CABP5: variants seen among roughly 807,000 people sequenced by gnomAD.
The protein encoded by CABP5 is calcium binding protein 5, also known as calcium-binding protein 5.
Under a neutral mutation model 21.9 loss-of-function variants are expected in CABP5, and 17 were observed. The observed-to-expected ratio is 0.78, with a 90% CI of 0.53 to 1.17. CABP5 has a LOEUF of 1.17. Among genes scored for constraint, CABP5 ranks in the 50% most tolerant of loss-of-function variants. The pLI is 0.00. For synonymous variants in CABP5, 85 were observed against 79.4 expected (o/e 1.07, Z -0.37); for missense variants, 229 against 228.9 (o/e 1.00, Z 0.00).
intron 4 of CABP5, among the ~76,000 whole-genome samples, chr19:48,035,974 C>T (rs1967403744): frequency 6.6e-6 from 1 of 152,122 alleles, no homozygotes; most frequent in African/African-American, 2.4e-5. Context: ...GAACAGACCA[C>T]AGTAGGACCA....
chr19:48,029,798 CAGAGAGAG>C lies in CABP5; in HGVS notation c.*751_*758del, dbSNP rs72005770. 4.7e-4 allele frequency among the ~76,000 whole-genome samples: 56 copies of C among 120,240 alleles called. No homozygotes were observed. Among genetic ancestry groups the C allele is most frequent in the Admixed American group, 1.6e-3 (18 of 11,272 alleles). The allele number at this position is 120,240 out of a possible 152,430, so 78.9% of individuals were successfully genotyped here. A position where few individuals can be genotyped will look rare whatever the true frequency, so the allele number is the denominator to read the frequency against. Reference sequence around the variant, plus strand: ...GGGAGGGGAGACAGAGACAGACAGACAGAGAGAGAGAGAGAGAGAGAGAGAGAGAGAGA... The same window carrying C: ...GGGAGGGGAGACAGAGACAGACAGACAGAGAGAGAGAGAGAGAGAGAGAGA... On this transcript the variant is annotated 3_prime_UTR_variant, in exon 6 of 6. Transcript: ENST00000293255.
Position 48,040,604 on chromosome 19 carries a change from C to T in CABP5, c.238+1G>A, listed in dbSNP as rs761490135. 1 of 1,613,710 alleles carries T rather than the reference C, an allele frequency of 6.2e-7. No homozygotes were observed. Among genetic ancestry groups the T allele is most frequent in the African/African-American group, 1.3e-5 (1 of 74,902 alleles). ...CCATCCCTCCCATTCCCTGGACTCA[C>T]GGTTCATGCGGATTTGCTGGCCGAG... On this transcript the variant is annotated splice_donor_variant, in intron 3 of 5. Coordinates refer to ENST00000293255, the MANE Select transcript of CABP5 (RefSeq NM_019855.5). LOFTEE classifies it high-confidence loss of function.
Position 48,043,841 on chromosome 19 carries a change from C to G in CABP5, c.63+19G>C, listed in dbSNP as rs745486326. 12 of 1,494,726 alleles carry G rather than the reference C, an allele frequency of 8.0e-6. No individual in the cohort carries two copies. The highest frequency in any genetic ancestry group is 6.7e-5 in the South Asian group (5 of 74,272). 92.6% of individuals were successfully genotyped at this position (1,494,726 alleles called of 1,614,324 possible). A position where few individuals can be genotyped will look rare whatever the true frequency, so the allele number is the denominator to read the frequency against. On this transcript the variant is annotated intron_variant, in intron 1 of 5. Transcript: ENST00000293255. ...CCTTTGCCCCGCCCACCGCCCTTCC[C>G]CCTCACTCCCCACCTCACCCGCTGT... is the stretch of plus-strand genomic sequence containing the variant.
At chr19:48,036,723 G>A (rs1812159253) in intron 4 of CABP5, among the ~76,000 whole-genome samples, 1 of 151,534 alleles carries the variant, frequency 6.6e-6, no homozygotes, top group Admixed American at 6.6e-5. Flanking sequence ...CTCTAAAGAG[G>A]ACAAATGGGC....
At chr19:48,032,971 G>A (rs1967359652) in intron 5 of CABP5, among the ~76,000 whole-genome samples, 2 of 150,638 alleles carry the variant, frequency 1.3e-5, no homozygotes, top group Admixed American at 1.3e-4. Flanking sequence ...GATAGGTGCT[G>A]AGATCTTTGA....
chr19:48,037,164 C>T (rs1294442730), intron 4 of CABP5, among the ~76,000 whole-genome samples: 2 of 149,390 alleles, frequency 1.3e-5, no homozygotes, highest in Non-Finnish European at 3.0e-5. Flanking sequence ...CAGCACTATT[C>T]ACAATAGCCA....
Position 48,044,061 on chromosome 19 carries a change from C to T in CABP5, c.-139G>A, listed in dbSNP as rs1967518573. On this transcript the variant is annotated 5_prime_UTR_variant, in exon 1 of 6. Transcript: ENST00000293255. ...TGCCTCTCTTGGCTTCTCCTTCGGTCCCGGTGTCTTAGAGCTGTGACAGCT... is the reference window on the plus strand; with the variant it reads ...TGCCTCTCTTGGCTTCTCCTTCGGTTCCGGTGTCTTAGAGCTGTGACAGCT... 5.9e-6 allele frequency: 4 copies of T among 675,502 alleles called. No individual in the cohort carries two copies. The highest frequency in any genetic ancestry group is 9.5e-6 in the Non-Finnish European group (4 of 422,904). The allele number at this position is 675,502 out of a possible 1,614,324, so 41.8% of individuals were successfully genotyped here.
chr19:48,036,938 A>G (rs1967414791), intron 4 of CABP5, among the ~76,000 whole-genome samples: 2 of 152,330 alleles, frequency 1.3e-5, no homozygotes, highest in East Asian at 3.9e-4. Flanking sequence ...AAGATGAATA[A>G]TAACAAGTGT....
At chr19:48,036,246 G>A (rs749576350) in intron 4 of CABP5, among the ~76,000 whole-genome samples, 7 of 152,124 alleles carry the variant, frequency 4.6e-5, no homozygotes, top group East Asian at 1.9e-4. Context: ...GGAAGGCACC[G>A]TTCTTGGGAC....
At chr19:48,035,504 G>A (rs1250423295) in intron 4 of CABP5, among the ~76,000 whole-genome samples, 1 of 152,246 alleles carries the variant, frequency 6.6e-6, no homozygotes, top group African/African-American at 2.4e-5. Flanking sequence ...GGCTGAGGCA[G>A]GAGAATCGCT....
chr19:48,040,809 T>C, intron 2 of CABP5, 61 bp from the exon 3 acceptor site: 2 of 1,552,872 alleles, frequency 1.3e-6, no homozygotes, highest in Non-Finnish European at 1.8e-6. Context: ...GAGTGGCATC[T>C]CTTGAAGCTA....
intron 5 of CABP5, 94 bp from the exon 6 acceptor site, chr19:48,030,676 G>A: frequency 8.5e-7 from 1 of 1,171,014 alleles, no homozygotes; most frequent in Middle Eastern, 2.0e-4. Context: ...AGGCACTGCT[G>A]GTGATCCCTG....
At chr19:48,042,580 CTT>C (rs71181635) in intron 1 of CABP5, among the ~76,000 whole-genome samples, 1 of 128,420 alleles carries the variant, frequency 7.8e-6, no homozygotes, top group African/African-American at 2.6e-5. Context: ...TTCTCTCTCT[CTT>C]TTTTTTTTTT....
At chr19:48,033,241 T>C (rs1340136325) in intron 5 of CABP5, among the ~76,000 whole-genome samples, 1 of 152,068 alleles carries the variant, frequency 6.6e-6, no homozygotes, top group African/African-American at 2.4e-5. Context: ...TAACCTCAGG[T>C]GATCCACTCG....
intron 2 of CABP5, 110 bp from the exon 3 acceptor site, chr19:48,040,858 A>T (rs1600127994): frequency 4.7e-6 from 5 of 1,060,552 alleles, no homozygotes; most frequent in East Asian, 4.8e-5. Context: ...AAAGGAGCGT[A>T]CATTAGAAAC....
chr19:48,042,046 A>G (rs1339498586), intron 1 of CABP5, among the ~76,000 whole-genome samples: 1 of 152,052 alleles, frequency 6.6e-6, no homozygotes, highest in Non-Finnish European at 1.5e-5. Flanking sequence ...TTTCCATCTT[A>G]CCCATGAGAA....
At chr19:48,042,395 T>C (rs749340599) in intron 1 of CABP5, among the ~76,000 whole-genome samples, 4 of 152,218 alleles carry the variant, frequency 2.6e-5, no homozygotes, top group Non-Finnish European at 4.4e-5. Flanking sequence ...CTGCCCCACC[T>C]ACTCCTGCAC....
Position 48,038,621 on chromosome 19 carries a change from G to A in CABP5, c.348+587C>T, listed in dbSNP as rs1967440651. 2.0e-5 allele frequency among the ~76,000 whole-genome samples: 3 copies of A among 152,140 alleles called. No individual in the cohort carries two copies. The South Asian group carries it at 6.2e-4, about 32-fold the overall frequency. ...GCAGGTGGATCACTTGAGGTCAGGAGTTCGAGACCAGCCTGGTCAACATGG... is the reference window on the plus strand; with the variant it reads ...GCAGGTGGATCACTTGAGGTCAGGAATTCGAGACCAGCCTGGTCAACATGG... On this transcript the variant is annotated intron_variant, in intron 4 of 5. Coordinates refer to ENST00000293255, the MANE Select transcript of CABP5 (RefSeq NM_019855.5).
rs1967468613 is a variant in CABP5, at chr19:48,040,651, G to T, written c.192C>A (p.Pro64=). ...CGAGCTCAATCAGTTCCATCTCCGT[G>T]GGCATGTAACCCATCGTCCTCATGA... is the stretch of plus-strand genomic sequence containing the variant. ...GNLMRTMGYM[P]TEMELIELGQ... The change falls in exon 3 of 6, where the codon CCC becomes CCA. Residue 64 remains proline, a synonymous_variant. Coordinates refer to ENST00000293255, the MANE Select transcript of CABP5 (RefSeq NM_019855.5). 6.2e-7 allele frequency: 1 copy of T among 1,613,850 alleles called. No homozygotes were observed. Among genetic ancestry groups the T allele is most frequent in the Non-Finnish European group, 8.5e-7 (1 of 1,179,920 alleles).
Sources: gnomAD v4.1 joint callset for allele counts (sites outside exome capture counted in the v4.1 genomes callset) on GRCh38, gnomAD v4.1.1 for gene constraint, MANE v1.5 for transcripts, NCBI Gene and HGNC (gene_info 2026-07-23, HGNC 2026-07-21) for gene names.